ODR4: variants seen among roughly 807,000 people sequenced by gnomAD.
ODR4 encodes the protein protein odr-4 homolog.
A neutral mutation model predicts 60.2 loss-of-function variants in ODR4; 47 were observed. That is an observed-to-expected ratio of 0.78 (90% CI 0.62 to 1.00). The LOEUF (loss-of-function observed/expected upper bound fraction) is 1.00, where lower values mean the gene tolerates loss of function less well. ODR4 is among the 50% of genes least tolerant of loss of function. The probability of loss-of-function intolerance (pLI) is 0.00; values close to 1 mark genes in which losing one functional copy is unlikely to be tolerated. For synonymous variants in ODR4, 178 were observed against 175.5 expected (o/e 1.01, Z -0.11); for missense variants, 488 against 530.8 (o/e 0.92, Z 0.79).
chr1:186,389,655 G>A (rs1660386388), intron 6 of ODR4, 31 bp downstream of exon 6: 2 of 1,391,690 alleles, frequency 1.4e-6, no homozygotes. Context: ...AGATTTTTCT[G>A]TGTCACAAAG....
chr1:186,418,792 G>A (rs1306124460), intron 13 of ODR4, among the ~76,000 whole-genome samples: 1 of 152,118 alleles, frequency 6.6e-6, no homozygotes, highest in Admixed American at 6.5e-5. Flanking sequence ...GAGATACTTT[G>A]TCCAACATTT....
At chr1:186,418,623 A>T (rs1481514287) in intron 13 of ODR4, among the ~76,000 whole-genome samples, 1 of 152,214 alleles carries the variant, frequency 6.6e-6, no homozygotes, top group African/African-American at 2.4e-5. Flanking sequence ...GTGGCTTTAT[A>T]TTATAATGAT....
At chr1:186,382,466 A>G (rs1660078180) in intron 2 of ODR4, among the ~76,000 whole-genome samples, 2 of 151,984 alleles carry the variant, frequency 1.3e-5, no homozygotes, top group Non-Finnish European at 2.9e-5. Flanking sequence ...AGAACAAAAA[A>G]CAAAACAAAA....
the ODR4 span, among the ~76,000 whole-genome samples, chr1:186,427,874 G>A: frequency 6.6e-6 from 1 of 152,178 alleles, no homozygotes; most frequent in Non-Finnish European, 1.5e-5. Flanking sequence ...AGAGCTCTTG[G>A]AATAATATTT....
intron 12 of ODR4, among the ~76,000 whole-genome samples, chr1:186,414,177 T>C (rs1260728405): frequency 6.6e-6 from 1 of 152,202 alleles, no homozygotes; most frequent in East Asian, 1.9e-4. Context: ...TATTCATTAT[T>C]GAAAAACATT....
Position 186,381,503 on chromosome 1 carries a change from AT to A in ODR4, c.100-1514del, listed in dbSNP as rs531144445. On this transcript the variant is annotated intron_variant, in intron 2 of 13. Transcript: ENST00000287859. ...CCACCTCGCCCGGCTAATTTTTTGTATTTTTAGTAGAGACGGGGTTTCACCG... is the reference window on the plus strand; with the variant it reads ...CCACCTCGCCCGGCTAATTTTTTGTATTTTAGTAGAGACGGGGTTTCACCG... Among the ~76,000 whole-genome samples, 1,027 of 151,570 alleles carry A rather than the reference AT, an allele frequency of 6.8e-3. 5 individuals carry two copies. The highest frequency in any genetic ancestry group is 9.8e-3 in the Non-Finnish European group (665 of 67,886).
intron 4 of ODR4, among the ~76,000 whole-genome samples, chr1:186,387,620 AT>A (rs1156430752): frequency 2.6e-5 from 4 of 152,202 alleles, no homozygotes; most frequent in Non-Finnish European, 4.4e-5. Context: ...AGTGTCACCC[AT>A]TATTGTTAAG....
rs1661752738 is a variant in ODR4, at chr1:186,420,990, C to T, written c.*1914C>T. 1 of 152,068 alleles carries T rather than the reference C, an allele frequency of 6.6e-6. No individual in the cohort carries two copies. The highest frequency in any genetic ancestry group is 1.5e-5 in the Non-Finnish European group (1 of 68,024). The allele number at this position is 152,068 out of a possible 1,614,324, so 9.4% of individuals were successfully genotyped here. A position where few individuals can be genotyped will look rare whatever the true frequency, so the allele number is the denominator to read the frequency against. ...ACCAAATACAAGATTTTAAAAGCAA[C>T]CATGGGGAGAAAAAGATCAGTGAAA... On this transcript the variant is annotated 3_prime_UTR_variant, in exon 14 of 14. Transcript: ENST00000287859.
chr1:186,375,904 C>A lies in ODR4; in HGVS notation c.-90C>A. 1 of 200,576 alleles carries A rather than the reference C, an allele frequency of 5.0e-6. No homozygotes were observed. Among genetic ancestry groups the A allele is most frequent in the Non-Finnish European group, 1.1e-5 (1 of 90,178 alleles). 12.4% of individuals were successfully genotyped at this position (200,576 alleles called of 1,614,324 possible). On this transcript the variant is annotated 5_prime_UTR_variant, in exon 1 of 14. Coordinates refer to ENST00000287859, the MANE Select transcript of ODR4 (RefSeq NM_017847.6). ...GCCCCTAGAGGCTGGTACTTGGGCC[C>A]GAAACCCCCATCTCCGGCGGAGAGA...
intron 11 of ODR4, among the ~76,000 whole-genome samples, chr1:186,403,519 C>T (rs1661063981): frequency 6.6e-6 from 1 of 151,848 alleles, no homozygotes; most frequent in Non-Finnish European, 1.5e-5. Flanking sequence ...AGAATGTATG[C>T]CATAAAATTA....
chr1:186,411,699 T>C, intron 12 of ODR4: 1 of 172,002 alleles, frequency 5.8e-6, no homozygotes, highest in Non-Finnish European at 1.2e-5. Context: ...TACATATGTC[T>C]GATTTGTGGA....
intron 2 of ODR4, 36 bp from the exon 3 acceptor site, chr1:186,382,986 T>C: frequency 6.4e-7 from 1 of 1,556,282 alleles, no homozygotes; most frequent in Non-Finnish European, 8.7e-7. Flanking sequence ...AGGAATCAGA[T>C]ATCACTCTAA....
At chr1:186,386,344 A>G (rs1660248635) in intron 4 of ODR4, among the ~76,000 whole-genome samples, 1 of 152,170 alleles carries the variant, frequency 6.6e-6, no homozygotes, top group South Asian at 2.1e-4. Context: ...ACTACCCAAA[A>G]CAGGGCTATC....
chr1:186,383,240 G>C, intron 3 of ODR4, 84 bp downstream of exon 3: 1 of 1,401,582 alleles, frequency 7.1e-7, no homozygotes. Flanking sequence ...TGAGTAGAGA[G>C]AAGAGACATA....
downstream of ODR4, among the ~76,000 whole-genome samples, chr1:186,422,524 C>G (rs1661811473): frequency 6.6e-6 from 1 of 152,060 alleles, no homozygotes; most frequent in South Asian, 2.1e-4. Flanking sequence ...AAACTGGACC[C>G]TGTATTTTAA....
At chr1:186,424,028 G>C (rs1233663319), downstream of ODR4, among the ~76,000 whole-genome samples, 1 of 152,148 alleles carries the variant, frequency 6.6e-6, no homozygotes, top group Non-Finnish European at 1.5e-5. Flanking sequence ...CTATCTCTTA[G>C]AGTTAAGAAT....
At chr1:186,383,206 C>A in intron 3 of ODR4, 50 bp downstream of exon 3, 1 of 1,513,358 alleles carries the variant, frequency 6.6e-7, no homozygotes, top group Non-Finnish European at 8.9e-7. Context: ...CAAAAAAGAG[C>A]TAGAATCAAG....
intron 11 of ODR4, among the ~76,000 whole-genome samples, chr1:186,403,700 C>A (rs1425552779): frequency 6.6e-6 from 1 of 151,752 alleles, no homozygotes; most frequent in African/African-American, 2.4e-5. Flanking sequence ...TTAATCCTTG[C>A]ACTTGTTGTG....
chr1:186,379,632 A>C, intron 1 of ODR4, 135 bp from the exon 2 acceptor site: 1 of 512,726 alleles, frequency 2.0e-6, no homozygotes, highest in Non-Finnish European at 3.5e-6. Flanking sequence ...GGAATACACT[A>C]TGTAATAAGT....
Sources: gnomAD v4.1 joint callset for allele counts (sites outside exome capture counted in the v4.1 genomes callset) on GRCh38, gnomAD v4.1.1 for gene constraint, MANE v1.5 for transcripts, NCBI Gene and HGNC (gene_info 2026-07-23, HGNC 2026-07-21) for gene names.